The following ZFHX3 variants were observed in gnomAD, a reference collection of about 807,000 sequenced individuals.
The protein encoded by ZFHX3 is zinc finger homeobox protein 3.
ZFHX3 carries 42 observed loss-of-function variants against 279.1 expected under a neutral mutation model. That is an observed-to-expected ratio of 0.15 (90% CI 0.12 to 0.19). ZFHX3 has a LOEUF of 0.19. ZFHX3 is among the 10% of genes least tolerant of loss of function. ZFHX3 has a pLI of 1.00. For missense variants in ZFHX3, 4,981 were observed against 4,754.0 expected, an observed-to-expected ratio of 1.05 and a Z score of -1.40; for synonymous variants, 2,293 against 1,957.8, an observed-to-expected ratio of 1.17 and a Z score of -4.52.
At chr16:73,326,252 T>A (rs940052885) in intron 3 of ZFHX3, among the ~76,000 whole-genome samples, 2 of 152,124 alleles carry the variant, frequency 1.3e-5, no homozygotes, top group Non-Finnish European at 2.9e-5. Flanking sequence ...ATTTAAGAAT[T>A]TGGAAATCTG....
At chr16:73,074,915 T>C (rs1375772679) in intron 8 of ZFHX3, among the ~76,000 whole-genome samples, 2 of 152,106 alleles carry the variant, frequency 1.3e-5, no homozygotes, top group African/African-American at 4.8e-5. Context: ...TCCTCCTAAG[T>C]AGCTAATTAG....
At chr16:73,819,846 A>G (rs2142347281) in intron 1 of ZFHX3, among the ~76,000 whole-genome samples, 1 of 152,292 alleles carries the variant, frequency 6.6e-6, no homozygotes, top group East Asian at 1.9e-4. Flanking sequence ...GATCTTCCCC[A>G]TATTTAAACC....
intron 2 of ZFHX3, among the ~76,000 whole-genome samples, chr16:73,583,928 G>GA (rs1490838539): frequency 6.6e-6 from 1 of 151,550 alleles, no homozygotes; most frequent in Admixed American, 6.6e-5. Flanking sequence ...AAAAGAATAG[G>GA]AAAAAATTAC....
intron 1 of ZFHX3, among the ~76,000 whole-genome samples, chr16:73,763,243 G>C (rs1289376313): frequency 6.6e-6 from 1 of 152,116 alleles, no homozygotes; most frequent in Non-Finnish European, 1.5e-5. Context: ...AAAGGCCTTG[G>C]AGAAGGCTGA....
chr16:73,694,721 T>TCC (rs1567554104), intron 1 of ZFHX3, among the ~76,000 whole-genome samples: 1 of 152,028 alleles, frequency 6.6e-6, no homozygotes, highest in Admixed American at 6.5e-5. Flanking sequence ...ATGGCCCCTC[T>TCC]GTGCATTTTT....
intron 2 of ZFHX3, chr16:73,679,935 A>G (rs949954926): frequency 6.6e-6 from 1 of 152,196 alleles, no homozygotes; most frequent in Non-Finnish European, 1.5e-5. Flanking sequence ...CAACACCTCA[A>G]TGTGCAGAGG....
chr16:73,406,595 T>C (rs1014245298), intron 3 of ZFHX3, among the ~76,000 whole-genome samples: 5 of 152,238 alleles, frequency 3.3e-5, no homozygotes, highest in Non-Finnish European at 5.9e-5. Flanking sequence ...ATTTGTTACA[T>C]AGATACTTAG....
At chr16:73,026,183 C>CA (rs1380391830) in intron 1 of ZFHX3, among the ~76,000 whole-genome samples, 6 of 36,908 alleles carry the variant, frequency 1.6e-4, no homozygotes, top group African/African-American at 5.2e-4. Context: ...CCCATCTCTA[C>CA]AAAAAATACA....
chr16:73,551,116 C>T (rs575988573), intron 2 of ZFHX3, among the ~76,000 whole-genome samples: 1 of 152,194 alleles, frequency 6.6e-6, no homozygotes, highest in Admixed American at 6.5e-5. Flanking sequence ...TGCTTTCCCA[C>T]CAGCAAAACG....
chr16:73,707,498 C>G (rs2053315804), intron 1 of ZFHX3, among the ~76,000 whole-genome samples: 1 of 148,946 alleles, frequency 6.7e-6, no homozygotes, highest in Non-Finnish European at 1.5e-5. Flanking sequence ...GGACAAAAAA[C>G]CAAGCACCGC....
At chr16:73,317,779 G>A (rs1378388192) in intron 4 of ZFHX3, among the ~76,000 whole-genome samples, 2 of 152,316 alleles carry the variant, frequency 1.3e-5, no homozygotes, top group East Asian at 3.9e-4. Flanking sequence ...TTTGGAGAAT[G>A]TGATAAATGA....
chr16:73,273,817 C>G (rs1173239274), intron 4 of ZFHX3, among the ~76,000 whole-genome samples: 2 of 152,078 alleles, frequency 1.3e-5, no homozygotes, highest in African/African-American at 4.8e-5. Flanking sequence ...CAAATTTCTA[C>G]AGGTGGAATG....
At chr16:73,260,083 C>A (rs2013776326) in intron 4 of ZFHX3, among the ~76,000 whole-genome samples, 2 of 151,988 alleles carry the variant, frequency 1.3e-5, no homozygotes, top group Non-Finnish European at 2.9e-5. Context: ...TTCTTTAGTC[C>A]TTTTTTTCTC....
At chr16:73,062,344 A>G (rs2285394), upstream of ZFHX3, 111,787 of 152,084 alleles carry the variant, frequency 0.74, 41,330 homozygotes, top group East Asian at 0.89. Context: ...TTGTGTGAGT[A>G]TGTGAATATA....
At chr16:72,971,073 C>T (rs2144508861) in intron 1 of ZFHX3, among the ~76,000 whole-genome samples, 1 of 152,304 alleles carries the variant, frequency 6.6e-6, no homozygotes, top group South Asian at 2.1e-4. Context: ...ACAGATTTTC[C>T]TTACCTACCT....
At chr16:72,981,336 T>G (rs17681520) in intron 1 of ZFHX3, among the ~76,000 whole-genome samples, 2,130 of 152,346 alleles carry the variant, frequency 0.014, 32 homozygotes, top group Middle Eastern at 0.02. Context: ...TGCGCCTGTT[T>G]ACAAAAGTTA....
Position 72,787,055 on chromosome 16 carries a change from TTG to T in ZFHX3, c.*107_*108del, listed in dbSNP as rs368036342. 7.6e-5 allele frequency: 84 copies of T among 1,100,224 alleles called. No individual in the cohort carries two copies. Among genetic ancestry groups the T allele is most frequent in the Middle Eastern group, 3.5e-4 (1 of 2,824 alleles). 68.2% of individuals were successfully genotyped at this position (1,100,224 alleles called of 1,614,324 possible). ...CTTTTTTTTCTTTTTTTTTTTTTTTTTGTTTTTTGGTTAGAAGCTTTGGAATT... is the reference window on the plus strand; with the variant it reads ...CTTTTTTTTCTTTTTTTTTTTTTTTTTTTTTTGGTTAGAAGCTTTGGAATT... On this transcript the variant is annotated 3_prime_UTR_variant, in exon 10 of 10. Transcript: ENST00000268489.
At chr16:73,551,906 T>A (rs2020209178) in intron 2 of ZFHX3, among the ~76,000 whole-genome samples, 1 of 152,228 alleles carries the variant, frequency 6.6e-6, no homozygotes. Flanking sequence ...ATTGTGTGTA[T>A]AATGCATACA....
intron 1 of ZFHX3, among the ~76,000 whole-genome samples, chr16:73,707,528 G>A (rs1180071714): frequency 1.4e-5 from 2 of 144,436 alleles, no homozygotes; most frequent in Non-Finnish European, 3.0e-5. Flanking sequence ...CTCATAGGTG[G>A]GAACTGAACA....
Sources: allele counts gnomAD v4.1 joint callset (sites outside exome capture counted in the v4.1 genomes callset), GRCh38; gene constraint gnomAD v4.1.1; transcripts MANE v1.5; gene names NCBI Gene and HGNC (gene_info 2026-07-23, HGNC 2026-07-21).